Variants in PVT1 observed in about 807,000 individuals in gnomAD.
PVT1 encodes the protein Pvt1 oncogene, also known as CXCR4/PVT1 fusion.
chr8:128,002,458 A>C (rs893129495), intron 4 of PVT1, among the ~76,000 whole-genome samples: 2 of 152,248 alleles, frequency 1.3e-5, no homozygotes, highest in Non-Finnish European at 1.5e-5. Flanking sequence ...TGCCCAAAAC[A>C]ACAGAAATGT....
chr8:128,040,906 A>ATG (rs36195296), intron 4 of PVT1, among the ~76,000 whole-genome samples: 86,400 of 150,812 alleles, frequency 0.57, 24,925 homozygotes, highest in East Asian at 0.7. Flanking sequence ...ATGTTTGTGC[A>ATG]TGTGTGCATA....
chr8:128,013,527 T>A (rs1009429443), intron 4 of PVT1, among the ~76,000 whole-genome samples: 1 of 152,244 alleles, frequency 6.6e-6, no homozygotes, highest in African/African-American at 2.4e-5. Flanking sequence ...ATTGAACACT[T>A]GCTGAATGCT....
In PVT1 at chr8:128,021,290, C is replaced by CTTTTTTTTTTTTTTT. The variant is rs11438511; in HGVS notation, n.912+32006_912+32020dup. 3.5e-4 allele frequency among the ~76,000 whole-genome samples: 28 copies of CTTTTTTTTTTTTTTT among 81,138 alleles called. 4 individuals are homozygous for CTTTTTTTTTTTTTTT. Among genetic ancestry groups the CTTTTTTTTTTTTTTT allele is most frequent in the African/African-American group, 4.8e-4 (10 of 20,898 alleles). 53.2% of individuals were successfully genotyped at this position (81,138 alleles called of 152,430 possible). The stretch of plus-strand genomic sequence containing the variant: ...CCAGTCCGATTCCCCAGGACTTGTG[C>CTTTTTTTTTTTTTTT]TTTTTTTTTTTTTTTTTTTTTGAGA... On this transcript the variant is annotated intron_variant and non_coding_transcript_variant, in intron 4 of 10. Transcript: ENST00000651587.
At chr8:128,036,871 G>A (rs1346402296) in intron 4 of PVT1, among the ~76,000 whole-genome samples, 1 of 152,166 alleles carries the variant, frequency 6.6e-6, no homozygotes, top group Non-Finnish European at 1.5e-5. Context: ...CTGAGGCTTC[G>A]TTAGGGCCAG....
Position 127,994,816 on chromosome 8 carries a change from ATGT to A in PVT1, n.912+5526_912+5528del, listed in dbSNP as rs1817086566. Among the ~76,000 whole-genome samples the A allele has an allele frequency of 3.3e-5, 5 of 152,286 alleles. No individual in the cohort carries two copies. The East Asian group carries it at 9.7e-4, about 29-fold the overall frequency. ...GAATGCCAAGGGCAGGAGAAGATCG[ATGT>A]CCCAGAACAAGCAATCAGGCAGAGA... On this transcript the variant is annotated intron_variant and non_coding_transcript_variant, in intron 4 of 10. Transcript: ENST00000651587.
At chr8:128,092,079 T>C (rs1414208756) in intron 5 of PVT1, among the ~76,000 whole-genome samples, 4 of 152,058 alleles carry the variant, frequency 2.6e-5, no homozygotes, top group Non-Finnish European at 5.9e-5. Flanking sequence ...CACCTACCTC[T>C]CCATCCCACC....
chr8:127,967,857 C>T (rs539169565), intron 3 of PVT1, among the ~76,000 whole-genome samples: 1 of 152,382 alleles, frequency 6.6e-6, no homozygotes, highest in African/African-American at 2.4e-5. Flanking sequence ...CACAGGCTCC[C>T]TTTACAGACT....
intron 4 of PVT1, among the ~76,000 whole-genome samples, chr8:127,994,484 CCTT>C (rs1817081365): frequency 6.6e-6 from 1 of 152,156 alleles, no homozygotes; most frequent in South Asian, 2.1e-4. Flanking sequence ...AGAGCTTTGT[CCTT>C]CTTTAAAGCC....
chr8:128,000,987 A>T (rs2130017220), intron 4 of PVT1, among the ~76,000 whole-genome samples: 1 of 152,336 alleles, frequency 6.6e-6, no homozygotes, highest in Admixed American at 6.5e-5. Context: ...TCTACCCGTT[A>T]AAACATTTGG....
intron 4 of PVT1, among the ~76,000 whole-genome samples, chr8:128,066,685 G>A (rs1813914919): frequency 6.6e-6 from 1 of 152,194 alleles, no homozygotes; most frequent in Non-Finnish European, 1.5e-5. Context: ...ACGCCTGTAG[G>A]TGGGAGGTGG....
At position 127,829,856 on chromosome 8, in the gene PVT1, G is replaced by A. The variant is rs185067061; in HGVS notation, n.372+33785G>A. 1.2e-3 allele frequency among the ~76,000 whole-genome samples: 182 copies of A among 152,200 alleles called. 2 individuals are homozygous for A. Among genetic ancestry groups the A allele is most frequent in the Admixed American group, 0.01 (159 of 15,292 alleles). On this transcript the variant is annotated intron_variant and non_coding_transcript_variant, in intron 2 of 10. Transcript: ENST00000651587. The stretch of plus-strand genomic sequence containing the variant: ...CTGGAGGCTAGAAATCCAAATTCAG[G>A]GTGTCAGGAGGGCCATGCTCCACAT...
At position 127,819,475 on chromosome 8, in the gene PVT1, A is replaced by G. The variant is rs116871002; in HGVS notation, n.372+23404A>G. ...TACAAACGGAGAAACTGAGGCAGAG[A>G]GATAAGTGTCTTCCCAAGGTTAACA... On this transcript the variant is annotated intron_variant and non_coding_transcript_variant, in intron 2 of 10. Coordinates refer to ENST00000651587, the Ensembl canonical transcript of PVT1. 5.0e-3 allele frequency among the ~76,000 whole-genome samples: 762 copies of G among 152,314 alleles called. 18 individuals are homozygous for G. Among genetic ancestry groups the G allele is most frequent in the Admixed American group, 0.033 (510 of 15,296 alleles).
At position 128,012,280 on chromosome 8, in the gene PVT1, C is replaced by G. The variant is rs146526687; in HGVS notation, n.912+22989C>G. Among the ~76,000 whole-genome samples, 591 of 152,266 alleles carry G rather than the reference C, an allele frequency of 3.9e-3. 3 individuals are homozygous for G. The highest frequency in any genetic ancestry group is 6.9e-3 in the Non-Finnish European group (472 of 68,022). On this transcript the variant is annotated intron_variant and non_coding_transcript_variant, in intron 4 of 10. Coordinates refer to ENST00000651587, the Ensembl canonical transcript of PVT1. ...CCAAGCCAGGCTTGGACCTGGGTCTCTACTGTACTCTTTACTCTACTCAGT... is the reference window on the plus strand; with the variant it reads ...CCAAGCCAGGCTTGGACCTGGGTCTGTACTGTACTCTTTACTCTACTCAGT...
At chr8:128,093,876 T>G (rs576372875) in intron 5 of PVT1, among the ~76,000 whole-genome samples, 2 of 152,328 alleles carry the variant, frequency 1.3e-5, no homozygotes, top group African/African-American at 4.8e-5. Context: ...GACCTCGTGA[T>G]CTGCCCGCCT....
At chr8:127,914,551 C>A (rs1030773506) in intron 3 of PVT1, among the ~76,000 whole-genome samples, 18 of 152,084 alleles carry the variant, frequency 1.2e-4, no homozygotes, top group Non-Finnish European at 1.3e-4. Context: ...TGGGAACAAC[C>A]CAGATGTCCA....
At chr8:128,036,389 C>T (rs991658594) in intron 4 of PVT1, among the ~76,000 whole-genome samples, 7 of 152,172 alleles carry the variant, frequency 4.6e-5, no homozygotes, top group African/African-American at 9.7e-5. Flanking sequence ...ACCTCGTCAT[C>T]GACAGGAAGG....
At chr8:128,016,856 A>T (rs576614232) in intron 4 of PVT1, among the ~76,000 whole-genome samples, 1 of 152,314 alleles carries the variant, frequency 6.6e-6, no homozygotes, top group South Asian at 2.1e-4. Flanking sequence ...AGTCTGGATG[A>T]GGATGAGTTC....
intron 3 of PVT1, among the ~76,000 whole-genome samples, chr8:127,919,990 A>C (rs551086002): frequency 6.6e-6 from 1 of 152,238 alleles, no homozygotes; most frequent in African/African-American, 2.4e-5. Flanking sequence ...GGCCTGACAC[A>C]CCTGGCCTTG....
At chr8:127,801,348 C>A (rs1297607228) in intron 2 of PVT1, among the ~76,000 whole-genome samples, 1 of 152,036 alleles carries the variant, frequency 6.6e-6, no homozygotes, top group Admixed American at 6.6e-5. Flanking sequence ...TTTAAGCAAT[C>A]CTTACACCTC....
Sources: gnomAD v4.1 joint callset for allele counts (sites outside exome capture counted in the v4.1 genomes callset) on GRCh38, gnomAD v4.1.1 for gene constraint, MANE v1.5 for transcripts, NCBI Gene and HGNC (gene_info 2026-07-23, HGNC 2026-07-21) for gene names.